The following WWOX variants were observed in gnomAD, a reference collection of about 807,000 sequenced individuals.
The protein encoded by WWOX is WW domain-containing oxidoreductase.
In WWOX, 69 loss-of-function variants were observed where a neutral mutation model predicts 46.2. The ratio of observed to expected loss-of-function variants is 1.49; its 90% confidence interval spans 1.23 to 1.82. WWOX has a LOEUF of 1.82. Ranked by LOEUF, WWOX falls within the 40% of genes most tolerant of loss-of-function variation. The probability of loss-of-function intolerance (pLI) is 0.00; values close to 1 mark genes in which losing one functional copy is unlikely to be tolerated. For missense variants in WWOX, 919 were observed against 542.6 expected, an observed-to-expected ratio of 1.69 and a Z score of -6.89; for synonymous variants, 359 against 202.6, an observed-to-expected ratio of 1.77 and a Z score of -6.56.
chr16:78,627,425 C>A (rs74786319), intron 8 of WWOX, among the ~76,000 whole-genome samples: 1 of 152,150 alleles, frequency 6.6e-6, no homozygotes, highest in African/African-American at 2.4e-5. Context: ...TAGTTTATGA[C>A]AAGGGGTTTT....
chr16:79,007,757 GCT>G (rs2047218676), intron 8 of WWOX, among the ~76,000 whole-genome samples: 2 of 152,162 alleles, frequency 1.3e-5, no homozygotes, highest in South Asian at 4.1e-4. Flanking sequence ...TGAATGGAGA[GCT>G]CTTTCTCGGA....
chr16:78,827,301 A>G (rs1178692656), intron 8 of WWOX, among the ~76,000 whole-genome samples: 1 of 152,178 alleles, frequency 6.6e-6, no homozygotes, highest in Non-Finnish European at 1.5e-5. Context: ...CGCAGATGAC[A>G]TCAAAGCACC....
chr16:78,275,559 G>T (rs573233011), intron 5 of WWOX, among the ~76,000 whole-genome samples: 1 of 152,198 alleles, frequency 6.6e-6, no homozygotes, highest in Non-Finnish European at 1.5e-5. Flanking sequence ...AGGTTGGGGC[G>T]GTATCCTGAA....
Position 78,826,704 on chromosome 16 carries a change from A to G in WWOX, c.1057-384904A>G, listed in dbSNP as rs114877956. Among the ~76,000 whole-genome samples the G allele has an allele frequency of 2.9e-3, 440 of 152,314 alleles. 3 individuals carry two copies. The highest frequency in any genetic ancestry group is 0.01 in the African/African-American group (420 of 41,580). ...CCTGATTCCCAATAAGCTTGCCTTC[A>G]CAAGTTGCAGGGATTTGGATATGGA... is the stretch of plus-strand genomic sequence containing the variant. On this transcript the variant is annotated intron_variant, in intron 8 of 8. Coordinates refer to ENST00000566780, the MANE Select transcript of WWOX (RefSeq NM_016373.4).
intron 8 of WWOX, among the ~76,000 whole-genome samples, chr16:78,967,115 T>C (rs1273738679): frequency 1.3e-5 from 2 of 152,090 alleles, no homozygotes; most frequent in African/African-American, 4.8e-5. Context: ...CCCTGGGTTA[T>C]CTGATATGTG....
chr16:78,877,369 G>T (rs746427461), intron 8 of WWOX, among the ~76,000 whole-genome samples: 2 of 151,662 alleles, frequency 1.3e-5, no homozygotes, highest in Non-Finnish European at 2.9e-5. Context: ...GACATGCCAG[G>T]TGTGTTCCTG....
intron 5 of WWOX, among the ~76,000 whole-genome samples, chr16:78,181,726 T>C (rs547539053): frequency 6.6e-6 from 1 of 152,356 alleles, no homozygotes; most frequent in East Asian, 1.9e-4. Flanking sequence ...CACAGGAATT[T>C]ATTTTAAATT....
Position 78,691,235 on chromosome 16 carries a change from A to G in WWOX, c.1056+258483A>G, listed in dbSNP as rs931489556. ...TTTAGCTATGCTTCTCTTGTTTGTG[A>G]TTCCAGGTTTCAGACTGCCTGGTAG... On this transcript the variant is annotated intron_variant, in intron 8 of 8. Coordinates refer to ENST00000566780, the MANE Select transcript of WWOX (RefSeq NM_016373.4). 1.9e-5 allele frequency: 13 copies of G among 702,040 alleles called. No homozygotes were observed. The African/African-American group carries it at 1.9e-4, about 10-fold the overall frequency. The allele number at this position is 702,040 out of a possible 1,614,324, so 43.5% of individuals were successfully genotyped here. A position where few individuals can be genotyped will look rare whatever the true frequency, so the allele number is the denominator to read the frequency against.
At chr16:78,448,284 A>C (rs1013009942) in intron 8 of WWOX, among the ~76,000 whole-genome samples, 1 of 152,336 alleles carries the variant, frequency 6.6e-6, no homozygotes, top group Middle Eastern at 3.4e-3. Flanking sequence ...CGAGCAAAAA[A>C]GGCAGAAATT....
chr16:79,127,793 G>C (rs2049790735), intron 8 of WWOX, among the ~76,000 whole-genome samples: 1 of 152,130 alleles, frequency 6.6e-6, no homozygotes, highest in South Asian at 2.1e-4. Context: ...GTGGAGGGGT[G>C]GACTGAGAGT....
chr16:78,704,573 G>A (rs932861713), intron 8 of WWOX, among the ~76,000 whole-genome samples: 7 of 152,116 alleles, frequency 4.6e-5, no homozygotes, highest in African/African-American at 1.7e-4. Flanking sequence ...ATCCATAAAA[G>A]CCGTTTGAAA....
At chr16:78,792,298 G>A (rs7185036) in intron 8 of WWOX, among the ~76,000 whole-genome samples, 28,418 of 152,104 alleles carry the variant, frequency 0.19, 2,831 homozygotes, top group East Asian at 0.33. Flanking sequence ...CTTGGCTGGA[G>A]TAACCCAGCC....
intron 8 of WWOX, among the ~76,000 whole-genome samples, chr16:79,078,962 ATT>A (rs1280855833): frequency 1.3e-5 from 2 of 152,180 alleles, no homozygotes; most frequent in African/African-American, 4.8e-5. Context: ...CCCTGAAGTT[ATT>A]TTTCCCCCCA....
At chr16:78,244,467 C>T (rs1287921452) in intron 5 of WWOX, among the ~76,000 whole-genome samples, 1 of 152,130 alleles carries the variant, frequency 6.6e-6, no homozygotes, top group Admixed American at 6.5e-5. Flanking sequence ...AATAGGATTC[C>T]ACCTTCAGCC....
At chr16:78,453,363 C>T (rs1353300005) in intron 8 of WWOX, among the ~76,000 whole-genome samples, 2 of 150,456 alleles carry the variant, frequency 1.3e-5, no homozygotes, top group African/African-American at 4.9e-5. Context: ...GTGGAGGTGG[C>T]AGTGAGTGGA....
chr16:79,209,896 A>T (rs1206591753), intron 8 of WWOX, among the ~76,000 whole-genome samples: 1 of 152,220 alleles, frequency 6.6e-6, no homozygotes, highest in Non-Finnish European at 1.5e-5. Flanking sequence ...GATGACATGA[A>T]CTCATTTCCA....
chr16:79,088,556 G>A (rs2048895817), intron 8 of WWOX, among the ~76,000 whole-genome samples: 1 of 152,140 alleles, frequency 6.6e-6, no homozygotes, highest in African/African-American at 2.4e-5. Flanking sequence ...AAAGAAATGC[G>A]ATGTTTTCTA....
intron 8 of WWOX, among the ~76,000 whole-genome samples, chr16:79,142,615 A>G (rs1198925296): frequency 1.3e-5 from 2 of 152,170 alleles, no homozygotes; most frequent in Non-Finnish European, 2.9e-5. Context: ...GAGTCCATTT[A>G]TTTCTCCTCT....
At chr16:78,702,109 T>TATAC (rs2048235967) in intron 8 of WWOX, among the ~76,000 whole-genome samples, 1 of 131,280 alleles carries the variant, frequency 7.6e-6, no homozygotes. Flanking sequence ...GTTATATATA[T>TATAC]ATATATATAT....
Sources: allele counts gnomAD v4.1 joint callset (sites outside exome capture counted in the v4.1 genomes callset), GRCh38; gene constraint gnomAD v4.1.1; transcripts MANE v1.5; gene names NCBI Gene and HGNC (gene_info 2026-07-23, HGNC 2026-07-21).